Variants in APOB observed in about 807,000 individuals in gnomAD.
The protein encoded by APOB is apolipoprotein B-100.
A neutral mutation model predicts 314.1 loss-of-function variants in APOB; 153 were observed. That is an observed-to-expected ratio of 0.49 (90% CI 0.43 to 0.56). APOB has a LOEUF of 0.56. Ranked by LOEUF, APOB falls within the 20% of genes least tolerant of loss-of-function variation. The probability of loss-of-function intolerance (pLI) is 0.00; values close to 1 mark genes in which losing one functional copy is unlikely to be tolerated. For missense variants in APOB, 5,430 were observed against 5,350.7 expected (o/e 1.01, Z -0.46); for synonymous variants, 2,087 against 2,036.4 (o/e 1.02, Z -0.67).
chr2:21,034,159 T>A (rs1161116396), intron 8 of APOB, among the ~76,000 whole-genome samples: 2 of 152,130 alleles, frequency 1.3e-5, no homozygotes, highest in South Asian at 4.1e-4. Context: ...ATCATGGAAA[T>A]GTGGTGTAAT....
At chr2:21,025,795 C>T (rs1189551649) in intron 15 of APOB, among the ~76,000 whole-genome samples, 1 of 152,206 alleles carries the variant, frequency 6.6e-6, no homozygotes, top group Non-Finnish European at 1.5e-5. Context: ...AAATGCGCTT[C>T]TGATTCAGTA....
In APOB at chr2:21,008,641, G is replaced by T; in HGVS notation, c.8227C>A (p.Leu2743Ile). The stretch of plus-strand genomic sequence containing the variant: ...TCAATTGTGTGTGAGATGTGGGGAA[G>T]CTGGAATTCTGGTATGTGAAGGTCA... ...VPDLHIPEFQ[L>I]PHISHTIEVP... is the part of the protein sequence containing the mutation. The change falls in exon 26 of 29, where the codon CTT becomes ATT. Residue 2743 changes from leucine (L) to isoleucine (I), a missense_variant. By Grantham distance (5) the Leu-to-Ile change is conservative. Coordinates refer to ENST00000233242, the MANE Select transcript of APOB (RefSeq NM_000384.3). The T allele has an allele frequency of 1.2e-6, 2 of 1,614,102 alleles. No homozygotes were observed. Among genetic ancestry groups the T allele is most frequent in the South Asian group, 2.2e-5 (2 of 91,086 alleles).
At chr2:21,032,850 G>T (rs1282288023) in intron 9 of APOB, among the ~76,000 whole-genome samples, 2 of 152,182 alleles carry the variant, frequency 1.3e-5, no homozygotes, top group Non-Finnish European at 2.9e-5. Context: ...CCAGCACACA[G>T]AATATGCCTG....
rs1165268481 is a variant in APOB, at chr2:21,003,222, A to G, written c.12200T>C (p.Leu4067Pro). 1 of 1,613,978 alleles carries G rather than the reference A, an allele frequency of 6.2e-7. No individual in the cohort carries two copies. The highest frequency in any genetic ancestry group is 8.5e-7 in the Non-Finnish European group (1 of 1,179,980). The change falls in exon 29 of 29, where the codon CTA becomes CCA. Residue 4067 changes from leucine (L) to proline (P), a missense_variant. Transcript: ENST00000233242. ...NWEEEAASGL[L>P]TSLKDNVPKA... ...GGGCACGTTGTCTTTCAGAGAGGTT[A>G]GCAAGCCAGAAGCTGCCTCTTCTTC...
Position 21,006,036 on chromosome 2 carries a change from T to C in APOB, c.10832A>G (p.His3611Arg), listed in dbSNP as rs1223686525. 1 of 1,614,008 alleles carries C rather than the reference T, an allele frequency of 6.2e-7. No homozygotes were observed. The highest frequency in any genetic ancestry group is 1.7e-5 in the Admixed American group (1 of 59,976). Residue 3611 changes from histidine to arginine, a missense_variant, in exon 26 of 29, where the codon CAT becomes CGT. His to Arg is a conservative substitution (Grantham distance 29). Coordinates refer to ENST00000233242, the MANE Select transcript of APOB (RefSeq NM_000384.3). ...TTCCTGGCCAAGGTCAGGGAAATCATGGAAGGAACTGGGCTGACTTGCATG... is the reference window on the plus strand; with the variant it reads ...TTCCTGGCCAAGGTCAGGGAAATCACGGAAGGAACTGGGCTGACTTGCATG... ...QVHASQPSSF[H>R]DFPDLGQEVA...
Position 21,037,097 on chromosome 2 carries a change from T to C in APOB, c.693+3A>G. The stretch of plus-strand genomic sequence containing the variant: ...TGCACGACAGTGCTGACATGGGACT[T>C]ACCATGCCTTTGATGAGAGCAAGTG... On this transcript the variant is annotated splice_donor_region_variant and intron_variant, in intron 6 of 28. Transcript: ENST00000233242. 3.1e-6 allele frequency: 5 copies of C among 1,614,202 alleles called. No homozygotes were observed. Among genetic ancestry groups the C allele is most frequent in the Non-Finnish European group, 4.2e-6 (5 of 1,180,040 alleles).
At position 21,010,742 on chromosome 2, in the gene APOB, C is replaced by T; in HGVS notation, c.6126G>A (p.Met2042Ile). ...CTTGGGGCTTCTCAACGGCATCTCT[C>T]ATCTCTAAAGCATCAATGATATTGA... is the stretch of plus-strand genomic sequence containing the variant. ...EPINIIDALEMRDAVEKPQEF... is the reference protein window; with the variant it reads ...EPINIIDALEIRDAVEKPQEF... The change falls in exon 26 of 29, where the codon ATG becomes ATA. Residue 2042 changes from methionine to isoleucine, a missense_variant. Met to Ile is a conservative substitution (Grantham distance 10). This residue lies in a region of APOB where 3,281 missense variants were observed against 3,171.0 expected (regional missense o/e 1.03). Transcript: ENST00000233242. 6.2e-7 allele frequency: 1 copy of T among 1,614,062 alleles called. No homozygotes were observed. Among genetic ancestry groups the T allele is most frequent in the African/African-American group, 1.3e-5 (1 of 75,024 alleles).
Position 21,044,051 on chromosome 2 carries a change from G to T in APOB, c.-106C>A. On this transcript the variant is annotated 5_prime_UTR_variant, in exon 1 of 29. The change creates a new upstream start codon in the 5' untranslated region. Coordinates refer to ENST00000233242, the MANE Select transcript of APOB (RefSeq NM_000384.3). ...CGGCAGCAACCGAGAAGGGCACTCA[G>T]CCCCGCAGGTCCCGGTGGGAATGCG... is the stretch of plus-strand genomic sequence containing the variant. 2.2e-6 allele frequency: 1 copy of T among 462,040 alleles called. No homozygotes were observed. The highest frequency in any genetic ancestry group is 3.3e-6 in the Non-Finnish European group (1 of 299,084). 28.6% of individuals were successfully genotyped at this position (462,040 alleles called of 1,614,324 possible).
Position 21,016,655 on chromosome 2 carries a change from C to A in APOB, c.3122-6G>T, listed in dbSNP as rs72653071. 2.8e-5 allele frequency: 44 copies of A among 1,573,394 alleles called. No individual in the cohort carries two copies. The African/African-American group carries it at 5.8e-4, about 21-fold the overall frequency. Reference sequence around the variant, plus strand: ...AGCCTCAGTCTGCTTCGCACCTGGACGAGTGTATAAGAGAATCAAGAGATG... The same window carrying A: ...AGCCTCAGTCTGCTTCGCACCTGGAAGAGTGTATAAGAGAATCAAGAGATG... On this transcript the variant is annotated splice_region_variant and splice_polypyrimidine_tract_variant and intron_variant, in intron 20 of 28. Coordinates refer to ENST00000233242, the MANE Select transcript of APOB (RefSeq NM_000384.3).
chr2:21,011,534 C>G lies in APOB; in HGVS notation c.5334G>C (p.Lys1778Asn). 6.2e-7 allele frequency: 1 copy of G among 1,614,112 alleles called. No individual in the cohort carries two copies. Among genetic ancestry groups the G allele is most frequent in the Non-Finnish European group, 8.5e-7 (1 of 1,179,988 alleles). The change falls in exon 26 of 29, where the codon AAG becomes AAC. Residue 1778 changes from lysine to asparagine, a missense_variant. Lys to Asn is a moderately conservative substitution (Grantham distance 94). Coordinates refer to ENST00000233242, the MANE Select transcript of APOB (RefSeq NM_000384.3). ...SKLDNIYSSD[K>N]FYKQTVNLQL... is the part of the protein sequence containing the mutation. ...GTAAATTAACAGTTTGCTTATAAAA[C>G]TTGTCAGAGCTGTAAATGTTGTCAA...
intron 12 of APOB, among the ~76,000 whole-genome samples, chr2:21,028,841 G>A (rs10208524): frequency 0.026 from 3,955 of 152,272 alleles, 181 homozygotes; most frequent in African/African-American, 0.091. Context: ...TTGTTTTAAC[G>A]TAAGTTATTT....
rs760943185 is a variant in APOB at position 21,003,064 on chromosome 2, T to A, written c.12358A>T (p.Ile4120Phe). The A allele has an allele frequency of 5.3e-5, 83 of 1,573,384 alleles. No homozygotes were observed. Among genetic ancestry groups the A allele is most frequent in the Non-Finnish European group, 7.0e-5 (81 of 1,160,294 alleles). Residue 4120 changes from isoleucine (I) to phenylalanine (F), a missense_variant, in exon 29 of 29, where the codon ATT (isoleucine) becomes TTT (phenylalanine). Around this residue, in one of 3 missense-constraint regions of APOB, gnomAD observed 3,281 missense variants for 3,171.0 expected, o/e 1.03. Transcript: ENST00000233242. ...NNAEWVYQGAIRQIDDIDVRF... is the reference protein window; with the variant it reads ...NNAEWVYQGAFRQIDDIDVRF... ...ACGTCGATATCATCAATTTGCCTAA[T>A]GGCCCCTTGATAAACCCACTCAGCA...
chr2:21,011,455 C>T lies in APOB; in HGVS notation c.5413G>A (p.Ala1805Thr). 6.2e-7 allele frequency: 1 copy of T among 1,614,150 alleles called. No individual in the cohort carries two copies. The highest frequency in any genetic ancestry group is 8.5e-7 in the Non-Finnish European group (1 of 1,180,036). Residue 1805 changes from alanine to threonine, a missense_variant, in exon 26 of 29, where the codon GCT becomes ACT. Physicochemically the swap from Ala to Thr is moderately conservative, Grantham distance 58 (BLOSUM62 0). Around this residue, in one of 3 missense-constraint regions of APOB, gnomAD observed 64 missense variants for 99.9 expected, o/e 0.64. Coordinates refer to ENST00000233242, the MANE Select transcript of APOB (RefSeq NM_000384.3). The stretch of plus-strand genomic sequence containing the variant: ...TTCCCATTGTTGGTGAGATCCAGAG[C>T]ATTGTATTTCAGGTCACTGTTTAAA... ...TTLNSDLKYN[A>T]LDLTNNGKLR...
At position 21,037,987 on chromosome 2, in the gene APOB, T is replaced by A. The variant is rs370493370; in HGVS notation, c.508A>T (p.Thr170Ser). The change falls in exon 5 of 29, where the codon ACA becomes TCA. Residue 170 changes from threonine (T) to serine (S), a missense_variant. Transcript: ENST00000233242. Reference protein sequence around the residue: ...IISALLVPPETEEAKQVLFLD... With the variant: ...IISALLVPPESEEAKQVLFLD... ...AACAACACTTGCTTGGCTTCTTCTG[T>A]CTCTGGGGGAACCAGGAGGGCAGAA... 2.5e-5 allele frequency: 40 copies of A among 1,614,074 alleles called. No homozygotes were observed. The highest frequency in any genetic ancestry group is 3.3e-5 in the Non-Finnish European group (39 of 1,180,040).
At chr2:21,016,788 T>C in intron 20 of APOB, 139 bp from the exon 21 acceptor site, 3 of 693,528 alleles carry the variant, frequency 4.3e-6, no homozygotes, top group East Asian at 2.7e-5. Context: ...ATCAAGACCA[T>C]TCTGGCTAAC....
rs1553384216 is a variant in APOB at position 21,013,460 on chromosome 2, A to T, written c.3916T>A (p.Ser1306Thr). 6.2e-7 allele frequency: 1 copy of T among 1,614,152 alleles called. No homozygotes were observed. Among genetic ancestry groups the T allele is most frequent in the East Asian group, 2.2e-5 (1 of 44,888 alleles). Residue 1306 changes from serine (S) to threonine (T), a missense_variant, in exon 25 of 29, where the codon TCC becomes ACC. Physicochemically the swap from Ser to Thr is moderately conservative, Grantham distance 58. Around this residue, in one of 3 missense-constraint regions of APOB, gnomAD observed 2,085 missense variants for 2,079.7 expected, o/e 1.00. Transcript: ENST00000233242. ...TCTAACATCTTTAGATCTCTGGAGGATTTGCCACCAAAAGGCAAAGGAATC... is the reference window on the plus strand; with the variant it reads ...TCTAACATCTTTAGATCTCTGGAGGTTTTGCCACCAAAAGGCAAAGGAATC... ...IEIPLPFGGK[S>T]SRDLKMLETV...
chr2:21,032,822 G>C (rs139365873), intron 9 of APOB, among the ~76,000 whole-genome samples: 1 of 152,278 alleles, frequency 6.6e-6, no homozygotes, highest in African/African-American at 2.4e-5. Flanking sequence ...CAAGAAGACT[G>C]TTATCACAGT....
chr2:21,026,659 T>A (rs1215167623), intron 15 of APOB, 129 bp downstream of exon 15: 1 of 801,940 alleles, frequency 1.2e-6, no homozygotes, highest in Non-Finnish European at 2.2e-6. Flanking sequence ...CCCCAGCAGG[T>A]CTGGTTGATA....
At position 21,008,915 on chromosome 2, in the gene APOB, G is replaced by A; in HGVS notation, c.7953C>T (p.Thr2651=). The change falls in exon 26 of 29, where the codon ACC becomes ACT. Residue 2651 remains threonine (T), a synonymous_variant. Coordinates refer to ENST00000233242, the MANE Select transcript of APOB (RefSeq NM_000384.3). ...IPSRFSTPEF[T]ILNTFHIPSF... is the part of the protein sequence containing the mutation. ...AAGGAATGTGGAAGGTGTTAAGGAT[G>A]GTAAATTCTGGTGTGGAAAACCTGG... The A allele has an allele frequency of 1.2e-6, 2 of 1,613,948 alleles. No homozygotes were observed. Among genetic ancestry groups the A allele is most frequent in the South Asian group, 1.1e-5 (1 of 91,068 alleles).
Sources: allele counts gnomAD v4.1 joint callset (sites outside exome capture counted in the v4.1 genomes callset), GRCh38; gene constraint gnomAD v4.1.1; regional missense constraint gnomAD v4.1.1; transcripts MANE v1.5; gene names NCBI Gene and HGNC (gene_info 2026-07-23, HGNC 2026-07-21).